The following PTPRK variants were observed in gnomAD, a reference collection of about 807,000 sequenced individuals.
The protein encoded by PTPRK is receptor-type tyrosine-protein phosphatase kappa.
PTPRK carries 75 observed loss-of-function variants against 178.0 expected under a neutral mutation model. The ratio of observed to expected loss-of-function variants is 0.42; its 90% confidence interval spans 0.35 to 0.51. The LOEUF (loss-of-function observed/expected upper bound fraction) is 0.51. Ranked by LOEUF, PTPRK falls within the 20% of genes least tolerant of loss-of-function variation. The pLI, the probability that PTPRK is intolerant of heterozygous loss-of-function variation, is 0.02. For missense variants in PTPRK, 1,441 were observed against 1,797.8 expected (o/e 0.80, Z 3.59); for synonymous variants, 637 against 620.6 (o/e 1.03, Z -0.39).
chr6:128,105,096 C>T (rs906381100), intron 7 of PTPRK, among the ~76,000 whole-genome samples: 2 of 150,286 alleles, frequency 1.3e-5, no homozygotes, highest in African/African-American at 4.9e-5. Flanking sequence ...GAGCAAGTTT[C>T]TCTAGGGCAA....
chr6:128,180,057 A>G (rs1801673018), intron 7 of PTPRK, among the ~76,000 whole-genome samples: 1 of 152,070 alleles, frequency 6.6e-6, no homozygotes, highest in Admixed American at 6.6e-5. Context: ...GACACTCTGA[A>G]CTATTGACCT....
chr6:128,439,353 G>C (rs1846013011), intron 1 of PTPRK, among the ~76,000 whole-genome samples: 1 of 152,086 alleles, frequency 6.6e-6, no homozygotes. Flanking sequence ...ACCCAGTCAA[G>C]AACAGAGTCT....
Position 128,519,232 on chromosome 6 carries a change from T to TC in PTPRK, c.100+1026dup. ...TCCCCAGCGTCCACCTGGTGAAACT[T>TC]CAGAGCCCCCAGAGGAGAGAACGAA... On this transcript the variant is annotated intron_variant, in intron 1 of 29. Transcript: ENST00000368226. The surrounding 1 kb of genome is among the most constrained non-coding windows in gnomAD (Gnocchi z 4.3). The TC allele has an allele frequency of 2.3e-6, 1 of 429,698 alleles. No homozygotes were observed. Among genetic ancestry groups the TC allele is most frequent in the East Asian group, 7.1e-5 (1 of 14,122 alleles). The allele number at this position is 429,698 out of a possible 1,614,324, so 26.6% of individuals were successfully genotyped here.
Position 127,985,885 on chromosome 6 carries a change from G to T in PTPRK, c.3097-10C>A. 1 of 1,597,798 alleles carries T rather than the reference G, an allele frequency of 6.3e-7. No individual in the cohort carries two copies. The highest frequency in any genetic ancestry group is 8.6e-7 in the Non-Finnish European group (1 of 1,166,954). On this transcript the variant is annotated splice_polypyrimidine_tract_variant and intron_variant, in intron 21 of 29. Transcript: ENST00000368226. ...TTTCATTGTACCCCCTCTGTGCAAA[G>T]ATGGAAAGAAATGTTTTCAAAAGCC...
chr6:128,065,566 G>T (rs538295304), intron 12 of PTPRK, among the ~76,000 whole-genome samples: 4 of 152,308 alleles, frequency 2.6e-5, no homozygotes, highest in African/African-American at 9.6e-5. Flanking sequence ...ATCAAAGCCA[G>T]TGAACAAACC....
intron 1 of PTPRK, among the ~76,000 whole-genome samples, chr6:128,414,656 G>A (rs533902293): frequency 5.5e-4 from 83 of 152,246 alleles, no homozygotes; most frequent in African/African-American, 1.8e-3. Flanking sequence ...CTAATGTAAC[G>A]ATGCCATTGC....
At chr6:128,252,880 C>G (rs761661162) in intron 3 of PTPRK, among the ~76,000 whole-genome samples, 5 of 152,200 alleles carry the variant, frequency 3.3e-5, no homozygotes, top group African/African-American at 4.8e-5. Flanking sequence ...CACCTTTTAG[C>G]TCTTCTGTGC....
At position 128,184,694 on chromosome 6, in the gene PTPRK, A is replaced by G. The variant is rs1267803482; in HGVS notation, c.900T>C (p.Leu300=). The stretch of plus-strand genomic sequence containing the variant: ...GCAAATATGTAGGCCCAACACCAAG[A>G]AGCTGAGGAGGAGCAATGGGTCTTG... ...EPPRPIAPPQ[L]LGVGPTYLLI... Residue 300 remains leucine, a synonymous_variant, in exon 7 of 30, where the codon CTT becomes CTC. Transcript: ENST00000368226. 1 of 1,613,970 alleles carries G rather than the reference A, an allele frequency of 6.2e-7. No homozygotes were observed. Among genetic ancestry groups the G allele is most frequent in the Non-Finnish European group, 8.5e-7 (1 of 1,179,922 alleles).
chr6:128,012,468 G>A (rs1471838246), intron 13 of PTPRK, among the ~76,000 whole-genome samples: 1 of 151,240 alleles, frequency 6.6e-6, no homozygotes, highest in Non-Finnish European at 1.5e-5. Context: ...CAAAGACAAT[G>A]TGGAGCACCT....
chr6:128,146,655 C>G (rs773877142), intron 7 of PTPRK, among the ~76,000 whole-genome samples: 14 of 151,896 alleles, frequency 9.2e-5, no homozygotes, highest in Non-Finnish European at 1.6e-4. Context: ...TGTTTGATTT[C>G]CTGACCTCGT....
At chr6:128,379,739 A>C (rs1386388232) in intron 2 of PTPRK, among the ~76,000 whole-genome samples, 1 of 152,204 alleles carries the variant, frequency 6.6e-6, no homozygotes, top group East Asian at 1.9e-4. Flanking sequence ...GACTCTTATG[A>C]AACATTTGGT....
chr6:128,325,497 A>T lies in PTPRK; in HGVS notation c.224-3187T>A, dbSNP rs1207823133. Reference sequence around the variant, plus strand: ...TTACAAGAAAAAAACAAACCCATCAAAAAGTGGGTGAAAGATATGAACAGA... The same window carrying T: ...TTACAAGAAAAAAACAAACCCATCATAAAGTGGGTGAAAGATATGAACAGA... On this transcript the variant is annotated intron_variant, in intron 2 of 29. Transcript: ENST00000368226. Among the ~76,000 whole-genome samples, 4 of 152,204 alleles carry T rather than the reference A, an allele frequency of 2.6e-5. No homozygotes were observed. In the East Asian group the frequency reaches 7.7e-4, roughly 29 times the overall value.
chr6:128,194,069 AT>A (rs879734768), intron 6 of PTPRK, among the ~76,000 whole-genome samples: 1,562 of 131,790 alleles, frequency 0.012, 19 homozygotes, highest in African/African-American at 0.032. Flanking sequence ...TATATATATT[AT>A]TATTATTATT....
At chr6:128,054,926 C>T (rs1021402958) in intron 13 of PTPRK, among the ~76,000 whole-genome samples, 6 of 152,136 alleles carry the variant, frequency 3.9e-5, no homozygotes, top group African/African-American at 1.4e-4. Flanking sequence ...CTTAACTTCC[C>T]TGATCCTAGG....
chr6:128,435,102 A>AGGAAGGC (rs1845396415), intron 1 of PTPRK, among the ~76,000 whole-genome samples: 1 of 70,344 alleles, frequency 1.4e-5, no homozygotes, highest in Non-Finnish European at 2.7e-5. Flanking sequence ...GGAAGGAAGG[A>AGGAAGGC]AGGAAGGCAG....
intron 22 of PTPRK, among the ~76,000 whole-genome samples, chr6:127,984,881 C>T (rs910414591): frequency 6.6e-6 from 1 of 152,168 alleles, no homozygotes; most frequent in Non-Finnish European, 1.5e-5. Flanking sequence ...TACATAGTAT[C>T]TGATCCTATG....
chr6:128,262,218 G>C (rs1018567214), intron 3 of PTPRK, among the ~76,000 whole-genome samples: 4 of 152,136 alleles, frequency 2.6e-5, no homozygotes. Flanking sequence ...ATTTTATGTA[G>C]TTTCCAACCT....
chr6:128,490,188 C>A (rs1446370883), intron 1 of PTPRK, among the ~76,000 whole-genome samples: 1 of 152,056 alleles, frequency 6.6e-6, no homozygotes, highest in Non-Finnish European at 1.5e-5. Context: ...GAATAGACTA[C>A]AAAAGCATTC....
intron 1 of PTPRK, among the ~76,000 whole-genome samples, chr6:128,471,709 T>C (rs927414237): frequency 1.4e-5 from 2 of 147,546 alleles, no homozygotes; most frequent in South Asian, 2.1e-4. Context: ...ACTGATAAAA[T>C]ACATTCTTTT....
Sources: gnomAD v4.1 joint callset for allele counts (sites outside exome capture counted in the v4.1 genomes callset) on GRCh38, gnomAD v4.1.1 for gene constraint, Gnocchi (gnomAD v3.1) non-coding constraint, MANE v1.5 for transcripts, NCBI Gene and HGNC (gene_info 2026-07-23, HGNC 2026-07-21) for gene names.